The following ALG12 variants were observed in gnomAD, a reference collection of about 807,000 sequenced individuals.
ALG12 encodes the protein dol-P-Man:Man(7)GlcNAc(2)-PP-Dol alpha-1,6-mannosyltransferase.
In ALG12, 36 loss-of-function variants were observed where a neutral mutation model predicts 46.0. The ratio of observed to expected loss-of-function variants is 0.78; its 90% CI spans 0.60 to 1.03. ALG12 has a LOEUF of 1.03. Ranked by LOEUF, ALG12 falls within the 50% of genes least tolerant of loss-of-function variation. The probability of loss-of-function intolerance (pLI) is 0.00; values close to 1 mark genes in which losing one functional copy is unlikely to be tolerated. For synonymous variants in ALG12, 326 were observed against 291.6 expected (o/e 1.12, Z -1.20); for missense variants, 599 against 633.5 (o/e 0.95, Z 0.58).
chr22:49,875,413 A>C, the ALG12 span, among the ~76,000 whole-genome samples: 2 of 104,994 alleles, frequency 1.9e-5, no homozygotes, highest in African/African-American at 5.5e-5. Context: ...TGCATAATTT[A>C]TTTTCTTTTT....
chr22:49,872,417 C>G, the ALG12 span, among the ~76,000 whole-genome samples: 20 of 152,204 alleles, frequency 1.3e-4, no homozygotes, highest in African/African-American at 4.8e-4. Context: ...CAGTCACTTC[C>G]TCCATTGAAG....
chr22:49,885,433 A>G, the ALG12 span: 2 of 1,609,784 alleles, frequency 1.2e-6, no homozygotes, highest in Non-Finnish European at 1.7e-6. Flanking sequence ...CCGGGGGAAG[A>G]AGCCGACTAA....
chr22:49,878,593 A>G, the ALG12 span, among the ~76,000 whole-genome samples: 1 of 152,222 alleles, frequency 6.6e-6, no homozygotes, highest in Non-Finnish European at 1.5e-5. Flanking sequence ...ATCTAAATAT[A>G]AAACTTAAAA....
chr22:49,913,293 G>A (rs575020947), intron 3 of ALG12, 92 bp downstream of exon 3: 19 of 1,578,484 alleles, frequency 1.2e-5, no homozygotes, highest in East Asian at 4.5e-5. Flanking sequence ...AACAGACAGC[G>A]TTCCTGGGCA....
At chr22:49,878,362 TAACTG>T in the ALG12 span, among the ~76,000 whole-genome samples, 2 of 146,550 alleles carry the variant, frequency 1.4e-5, no homozygotes, top group Non-Finnish European at 1.5e-5. Context: ...AGAGTAATAA[TAACTG>T]GGAGTGGAAC....
intron 5 of ALG12, 88 bp from the exon 6 acceptor site, chr22:49,909,435 T>A: frequency 7.6e-7 from 1 of 1,321,728 alleles, no homozygotes; most frequent in Non-Finnish European, 1.1e-6. Context: ...CTACAGAAAC[T>A]ACAAGCTGCT....
chr22:49,886,625 C>A, the ALG12 span: 1 of 1,581,444 alleles, frequency 6.3e-7, no homozygotes, highest in Non-Finnish European at 8.6e-7. This position sits in a 1 kb window ranked among gnomAD's most constrained non-coding sequence, Gnocchi z 7.7. Context: ...CTGAAGGAGG[C>A]CATGGTGAGC....
At chr22:49,865,162 G>A in the ALG12 span, among the ~76,000 whole-genome samples, 5 of 152,092 alleles carry the variant, frequency 3.3e-5, no homozygotes, top group African/African-American at 1.2e-4. Context: ...CTGTCACTCC[G>A]AGGCTGCAAC....
the ALG12 span, chr22:49,889,313 C>T: frequency 6.0e-6 from 1 of 167,050 alleles, no homozygotes; most frequent in Non-Finnish European, 1.5e-5. Context: ...GGTGTCTTGG[C>T]TACTTTCAGG....
At chr22:49,892,511 T>C in the ALG12 span, among the ~76,000 whole-genome samples, 8 of 152,258 alleles carry the variant, frequency 5.3e-5, no homozygotes, top group Admixed American at 3.3e-4. Flanking sequence ...TATTCCTGGT[T>C]GCTGCTTGTG....
At chr22:49,891,459 C>T in the ALG12 span, among the ~76,000 whole-genome samples, 1 of 152,190 alleles carries the variant, frequency 6.6e-6, no homozygotes, top group Admixed American at 6.5e-5. Flanking sequence ...TCAATATTTT[C>T]CTTGCAAATT....
At chr22:49,887,270 T>C in the ALG12 span, 76 of 1,380,608 alleles carry the variant, frequency 5.5e-5, no homozygotes, top group Non-Finnish European at 7.2e-5. Flanking sequence ...CACGGCTGTG[T>C]ACGACATCAG....
In ALG12 at chr22:49,903,347, C is replaced by T; in HGVS notation, c.*491G>A. ...GAATACAAAAGTTGCAGTGGTGGCA[C>T]CAGGGTGGGGGGGTGCGGCCGGGGC... On this transcript the variant is annotated 3_prime_UTR_variant, in exon 10 of 10. Transcript: ENST00000330817. 1 of 457,754 alleles carries T rather than the reference C, an allele frequency of 2.2e-6. No individual in the cohort carries two copies. The highest frequency in any genetic ancestry group is 4.4e-6 in the Non-Finnish European group (1 of 228,158). The allele number at this position is 457,754 out of a possible 1,614,324, so 28.4% of individuals were successfully genotyped here. A position where few individuals can be genotyped will look rare whatever the true frequency, so the allele number is the denominator to read the frequency against.
chr22:49,883,934 G>A, the ALG12 span: 1 of 1,613,336 alleles, frequency 6.2e-7, no homozygotes. Context: ...TCCCAGTACA[G>A]CAGCACCCTA....
the ALG12 span, among the ~76,000 whole-genome samples, chr22:49,859,577 T>C: frequency 6.6e-6 from 1 of 152,224 alleles, no homozygotes; most frequent in South Asian, 2.1e-4. Flanking sequence ...GAAAGGCATC[T>C]GGACACCGAG....
chr22:49,862,998 G>A, the ALG12 span, among the ~76,000 whole-genome samples: 9 of 151,800 alleles, frequency 5.9e-5, no homozygotes, highest in African/African-American at 1.5e-4. Context: ...CACCGCACCC[G>A]GCCAGCCTTT....
chr22:49,870,237 G>T, the ALG12 span, among the ~76,000 whole-genome samples: 1 of 152,276 alleles, frequency 6.6e-6, no homozygotes, highest in East Asian at 1.9e-4. Flanking sequence ...TGCTAGGCAC[G>T]TAGGTTGATT....
In ALG12 at chr22:49,917,705, C is replaced by CTTTTT. The variant is rs111244256; in HGVS notation, c.-79+553_-79+557dup. Among the ~76,000 whole-genome samples, 14 of 143,352 alleles carry CTTTTT rather than the reference C, an allele frequency of 9.8e-5. No individual in the cohort carries two copies. The South Asian group carries it at 1.6e-3, about 16-fold the overall frequency. 94.0% of individuals were successfully genotyped at this position (143,352 alleles called of 152,430 possible). The stretch of plus-strand genomic sequence containing the variant: ...AAGAAACTGGTCAAATCAGATGTTA[C>CTTTTT]TTTTTTTTTTTTTAAATGTGCAGTG... On this transcript the variant is annotated intron_variant, in intron 1 of 9. Transcript: ENST00000330817.
chr22:49,875,759 A>T, the ALG12 span, among the ~76,000 whole-genome samples: 1 of 152,020 alleles, frequency 6.6e-6, no homozygotes, highest in Non-Finnish European at 1.5e-5. Flanking sequence ...ATTTTTATAA[A>T]ATTTTTTATA....
Sources: gnomAD v4.1 joint callset for allele counts (sites outside exome capture counted in the v4.1 genomes callset) on GRCh38, gnomAD v4.1.1 for gene constraint, Gnocchi (gnomAD v3.1) non-coding constraint, MANE v1.5 for transcripts, NCBI Gene and HGNC (gene_info 2026-07-23, HGNC 2026-07-21) for gene names.